TNFRSF19: variants seen among roughly 807,000 people sequenced by gnomAD.
TNFRSF19 encodes TNF receptor superfamily member 19.
In TNFRSF19, 27 loss-of-function variants were observed where a neutral mutation model predicts 46.4. The observed-to-expected ratio is 0.58, with a 90% CI of 0.43 to 0.80. TNFRSF19 has a LOEUF of 0.80. Among genes scored for constraint, TNFRSF19 ranks in the 30% least tolerant of loss-of-function variants. TNFRSF19 has a pLI of 0.00. For missense variants in TNFRSF19, 511 were observed against 530.8 expected, an observed-to-expected ratio of 0.96 and a Z score of 0.37; for synonymous variants, 204 against 205.0, an observed-to-expected ratio of 1.00 and a Z score of 0.04.
chr13:23,644,635 C>T (rs1046354161), intron 5 of TNFRSF19, among the ~76,000 whole-genome samples: 2 of 152,146 alleles, frequency 1.3e-5, no homozygotes, highest in Non-Finnish European at 2.9e-5. Flanking sequence ...GCAGTGAAAA[C>T]GATATCAGGC....
At chr13:23,651,439 A>G (rs929479169) in intron 5 of TNFRSF19, among the ~76,000 whole-genome samples, 1 of 152,218 alleles carries the variant, frequency 6.6e-6, no homozygotes, top group Non-Finnish European at 1.5e-5. Context: ...CCAGAGTGAT[A>G]TGTTATACAG....
At chr13:23,644,533 A>G (rs1411475210) in intron 5 of TNFRSF19, among the ~76,000 whole-genome samples, 5 of 152,190 alleles carry the variant, frequency 3.3e-5, no homozygotes, top group Admixed American at 3.3e-4. Flanking sequence ...CTGTGAGTCA[A>G]TTAAACCTCT....
At chr13:23,622,513 T>A (rs1015475356) in intron 4 of TNFRSF19, among the ~76,000 whole-genome samples, 3 of 152,130 alleles carry the variant, frequency 2.0e-5, no homozygotes, top group Admixed American at 2.0e-4. Context: ...CTCAAACTTT[T>A]AAAAAAAATT....
chr13:23,656,878 G>C (rs534460676), intron 5 of TNFRSF19, among the ~76,000 whole-genome samples: 1 of 152,302 alleles, frequency 6.6e-6, no homozygotes, highest in South Asian at 2.1e-4. Flanking sequence ...TGTTTGCACA[G>C]CTGTGCTTGT....
chr13:23,669,197 T>C, intron 9 of TNFRSF19, 100 bp downstream of exon 9: 3 of 1,454,760 alleles, frequency 2.1e-6, no homozygotes, highest in South Asian at 1.5e-5. Context: ...ATGAGTTTTT[T>C]TTTTGCATCT....
chr13:23,596,066 A>G (rs1329450631), intron 3 of TNFRSF19, among the ~76,000 whole-genome samples: 1 of 152,220 alleles, frequency 6.6e-6, no homozygotes, highest in African/African-American at 2.4e-5. Flanking sequence ...ATGCTGAGAG[A>G]TTTTGTCACC....
At chr13:23,589,211 T>C (rs1218552274) in intron 1 of TNFRSF19, among the ~76,000 whole-genome samples, 1 of 152,218 alleles carries the variant, frequency 6.6e-6, no homozygotes, top group African/African-American at 2.4e-5. Flanking sequence ...CTTTTTCTTT[T>C]TGATCTCTTC....
chr13:23,660,891 A>G (rs1884323813), intron 7 of TNFRSF19, among the ~76,000 whole-genome samples: 1 of 152,178 alleles, frequency 6.6e-6, no homozygotes, highest in African/African-American at 2.4e-5. Flanking sequence ...CTATTTTTAG[A>G]ATTTCTTAAA....
At chr13:23,668,650 C>A (rs1951692174) in intron 8 of TNFRSF19, 42 bp from the exon 9 acceptor site, 2 of 1,558,480 alleles carry the variant, frequency 1.3e-6, no homozygotes, top group Admixed American at 2.0e-5. Flanking sequence ...TAGTGTTTTT[C>A]TCCCCATCAA....
chr13:23,615,000 C>T (rs2138253754), intron 3 of TNFRSF19, among the ~76,000 whole-genome samples: 1 of 152,228 alleles, frequency 6.6e-6, no homozygotes, highest in South Asian at 2.1e-4. Flanking sequence ...CTAGAGTAAG[C>T]ACCCATAAAT....
intron 5 of TNFRSF19, among the ~76,000 whole-genome samples, chr13:23,629,891 C>T (rs1009623801): frequency 2.6e-5 from 4 of 152,258 alleles, no homozygotes; most frequent in South Asian, 2.1e-4. Context: ...TTGTCCTGGA[C>T]GGGGAGGATC....
intron 9 of TNFRSF19, among the ~76,000 whole-genome samples, chr13:23,672,695 T>G (rs528852740): frequency 6.6e-6 from 1 of 152,318 alleles, no homozygotes; most frequent in South Asian, 2.1e-4. Flanking sequence ...TAGTGGTAAG[T>G]TAGTGAAGGG....
At chr13:23,652,598 GCT>G (rs2138369806) in intron 5 of TNFRSF19, among the ~76,000 whole-genome samples, 1 of 152,290 alleles carries the variant, frequency 6.6e-6, no homozygotes, top group South Asian at 2.1e-4. Flanking sequence ...AGCCACCCTT[GCT>G]CTCTCATGCA....
Position 23,673,651 on chromosome 13 carries a change from G to A in TNFRSF19, c.*271G>A. On this transcript the variant is annotated 3_prime_UTR_variant, in exon 10 of 10. Transcript: ENST00000248484. ...CATGAGAAGCTTCTCTGCCACAAAA[G>A]TGACTTCAAAGACGGATGGGTTGAG... 4.9e-6 allele frequency: 5 copies of A among 1,010,506 alleles called. No homozygotes were observed. The highest frequency in any genetic ancestry group is 6.3e-6 in the Non-Finnish European group (5 of 792,970). The allele number at this position is 1,010,506 out of a possible 1,614,324, so 62.6% of individuals were successfully genotyped here. A position where few individuals can be genotyped will look rare whatever the true frequency, so the allele number is the denominator to read the frequency against.
At position 23,673,407 on chromosome 13, in the gene TNFRSF19, G is replaced by A. The variant is rs1271857964; in HGVS notation, c.*27G>A. 2 of 1,599,998 alleles carry A rather than the reference G, an allele frequency of 1.3e-6. No individual in the cohort carries two copies. Among genetic ancestry groups the A allele is most frequent in the Non-Finnish European group, 1.7e-6 (2 of 1,171,720 alleles). On this transcript the variant is annotated 3_prime_UTR_variant, in exon 10 of 10. Coordinates refer to ENST00000248484, the MANE Select transcript of TNFRSF19 (RefSeq NM_148957.4). ...GAACCTGCTTCTTTCTGCAGTAGAA[G>A]CGTGTGCTGGAACCCAAAGAGTACT... is the stretch of plus-strand genomic sequence containing the variant.
chr13:23,605,954 C>T (rs1434640606), intron 3 of TNFRSF19, among the ~76,000 whole-genome samples: 1 of 151,950 alleles, frequency 6.6e-6, no homozygotes, highest in Non-Finnish European at 1.5e-5. Context: ...AACAGTGGAA[C>T]TTAGGTGACA....
At chr13:23,623,515 G>T (rs1743715272) in intron 4 of TNFRSF19, among the ~76,000 whole-genome samples, 1 of 152,140 alleles carries the variant, frequency 6.6e-6, no homozygotes, top group African/African-American at 2.4e-5. Context: ...ATATTTTGAG[G>T]AACCTACGTG....
At chr13:23,614,987 G>A (rs7998422) in intron 3 of TNFRSF19, among the ~76,000 whole-genome samples, 77,226 of 151,746 alleles carry the variant, frequency 0.51, 20,769 homozygotes, top group Non-Finnish European at 0.6. Context: ...TAAAGTTCTT[G>A]GTCTAGAGTA....
chr13:23,651,778 C>T (rs1883649551), intron 5 of TNFRSF19, among the ~76,000 whole-genome samples: 2 of 146,662 alleles, frequency 1.4e-5, no homozygotes, highest in Admixed American at 1.4e-4. Context: ...TATGTGTTAG[C>T]TGATTAACTA....
Sources: allele counts gnomAD v4.1 joint callset (sites outside exome capture counted in the v4.1 genomes callset), GRCh38; gene constraint gnomAD v4.1.1; transcripts MANE v1.5; gene names NCBI Gene and HGNC (gene_info 2026-07-23, HGNC 2026-07-21).